Variants in PRR5 observed in about 807,000 individuals in gnomAD.
PRR5 encodes the protein proline rich 5, also known as proline-rich protein 5.
In PRR5, 25 loss-of-function variants were observed where a neutral mutation model predicts 30.6. The observed-to-expected ratio is 0.82, with a 90% CI of 0.60 to 1.14. The LOEUF (loss-of-function observed/expected upper bound fraction) is 1.14. Ranked by LOEUF, PRR5 falls within the 50% of genes most tolerant of loss-of-function variation. The pLI, the probability that PRR5 is intolerant of heterozygous loss-of-function variation, is 0.00. For missense variants in PRR5, 600 were observed against 547.1 expected, an observed-to-expected ratio of 1.10 and a Z score of -0.96; for synonymous variants, 286 against 247.1, an observed-to-expected ratio of 1.16 and a Z score of -1.48.
chr22:44,736,915 C>A lies in PRR5; in HGVS notation c.835C>A (p.Arg279Ser), dbSNP rs867319528. Residue 279 changes from arginine (R) to serine (S), a missense_variant, in exon 8 of 8, where the codon CGC becomes AGC. Coordinates refer to ENST00000336985, the MANE Select transcript of PRR5 (RefSeq NM_181333.4). ...CGCGGCGGCCGGCGGTACCAGCATCCGCAGGCACTCTGTGTCGGAGATGAC... is the reference window on the plus strand; with the variant it reads ...CGCGGCGGCCGGCGGTACCAGCATCAGCAGGCACTCTGTGTCGGAGATGAC... ...EGAAAGGTSI[R>S]RHSVSEMTSC... 2 of 1,608,156 alleles carry A rather than the reference C, an allele frequency of 1.2e-6. No individual in the cohort carries two copies. The highest frequency in any genetic ancestry group is 1.7e-6 in the Non-Finnish European group (2 of 1,178,652).
At chr22:44,686,042 G>A (rs773969712) in intron 1 of PRR5, among the ~76,000 whole-genome samples, 8 of 152,242 alleles carry the variant, frequency 5.3e-5, no homozygotes, top group Non-Finnish European at 1.0e-4. Context: ...ATCCCCTGAG[G>A]TCAGGAGTGA....
At chr22:44,679,162 G>C (rs186619799) in intron 1 of PRR5, among the ~76,000 whole-genome samples, 1 of 152,128 alleles carries the variant, frequency 6.6e-6, no homozygotes, top group South Asian at 2.1e-4. Context: ...TTCTGCAAAC[G>C]CAGCATTTAT....
chr22:44,697,784 G>A (rs963501656), upstream of PRR5, among the ~76,000 whole-genome samples: 10 of 152,202 alleles, frequency 6.6e-5, no homozygotes, highest in South Asian at 6.2e-4. Flanking sequence ...CATACGCCTC[G>A]GCCTCCCTGG....
chr22:44,724,236 G>T (rs1413511519), intron 2 of PRR5, among the ~76,000 whole-genome samples: 3 of 152,152 alleles, frequency 2.0e-5, no homozygotes, highest in Non-Finnish European at 4.4e-5. Flanking sequence ...AGGAGTTCGA[G>T]ACCAGCCTGG....
intron 1 of PRR5, among the ~76,000 whole-genome samples, chr22:44,685,547 C>A (rs997531487): frequency 6.8e-6 from 1 of 146,202 alleles, no homozygotes; most frequent in Non-Finnish European, 1.5e-5. Flanking sequence ...AAAGCCACAC[C>A]CCTCTCGCCA....
At chr22:44,685,553 C>T (rs553470124) in intron 1 of PRR5, among the ~76,000 whole-genome samples, 1 of 147,244 alleles carries the variant, frequency 6.8e-6, no homozygotes, top group Non-Finnish European at 1.5e-5. Context: ...ACACCCCTCT[C>T]GCCAGTGAAA....
chr22:44,725,275 T>G lies in PRR5; in HGVS notation c.247T>G (p.Phe83Val). ...GTTGAAGACAGAGCTGGGGTCCTTC[T>G]TCACGGAGTACCTGCAGGTAGGTGG... ...QLLKTELGSF[F>V]TEYLQNQLLT... is the part of the protein sequence containing the mutation. Residue 83 changes from phenylalanine (F) to valine (V), a missense_variant, in exon 3 of 8, where the codon TTC (phenylalanine) becomes GTC (valine). Transcript: ENST00000336985. 6.2e-7 allele frequency: 1 copy of G among 1,613,778 alleles called. No individual in the cohort carries two copies. Among genetic ancestry groups the G allele is most frequent in the Non-Finnish European group, 8.5e-7 (1 of 1,179,966 alleles).
intron 1 of PRR5, among the ~76,000 whole-genome samples, chr22:44,709,109 G>C (rs1927739806): frequency 6.6e-6 from 1 of 152,158 alleles, no homozygotes; most frequent in South Asian, 2.1e-4. Flanking sequence ...GAGGATGTTG[G>C]CTGAAGCCTC....
intron 1 of PRR5, among the ~76,000 whole-genome samples, chr22:44,712,565 G>A (rs1928424150): frequency 6.6e-6 from 1 of 152,236 alleles, no homozygotes; most frequent in African/African-American, 2.4e-5. Context: ...TGGCCGCTCT[G>A]TGACCTCCAG....
chr22:44,707,067 G>A (rs1269410635), intron 1 of PRR5, among the ~76,000 whole-genome samples: 1 of 152,148 alleles, frequency 6.6e-6, no homozygotes, highest in Non-Finnish European at 1.5e-5. Context: ...AGTCTGACCT[G>A]CCATACCCCT....
chr22:44,688,201 A>G (rs1354556167), intron 1 of PRR5, among the ~76,000 whole-genome samples: 2 of 148,660 alleles, frequency 1.3e-5, no homozygotes, highest in South Asian at 4.4e-4. Flanking sequence ...CTGGCCAACA[A>G]GGTGAAACCC....
intron 2 of PRR5, among the ~76,000 whole-genome samples, chr22:44,724,399 T>G (rs1569102121): frequency 6.6e-6 from 1 of 152,028 alleles, no homozygotes; most frequent in Non-Finnish European, 1.5e-5. Flanking sequence ...TGTGCCACTG[T>G]ACTCCAGCCT....
intron 1 of PRR5, among the ~76,000 whole-genome samples, chr22:44,714,207 G>A (rs1228666489): frequency 2.0e-5 from 3 of 152,242 alleles, no homozygotes; most frequent in African/African-American, 7.2e-5. Context: ...TGGCCGTGGA[G>A]GTAGAGAAGG....
At chr22:44,675,889 G>A (rs1039868942), upstream of PRR5, among the ~76,000 whole-genome samples, 1 of 151,798 alleles carries the variant, frequency 6.6e-6, no homozygotes, top group East Asian at 1.9e-4. Flanking sequence ...GCCACGATCA[G>A]TCATGTTTAT....
upstream of PRR5, among the ~76,000 whole-genome samples, chr22:44,697,854 C>T (rs1022543140): frequency 8.5e-5 from 13 of 152,166 alleles, no homozygotes; most frequent in South Asian, 4.1e-4. Context: ...CTTGTGGGGA[C>T]GAGTCGGGGC....
At chr22:44,697,726 C>T (rs1014016417), upstream of PRR5, among the ~76,000 whole-genome samples, 7 of 152,326 alleles carry the variant, frequency 4.6e-5, no homozygotes, top group Admixed American at 6.5e-5. Flanking sequence ...CCGCCCAGCC[C>T]GCAGGGCTCC....
chr22:44,702,390 T>C lies in PRR5; in HGVS notation c.-85T>C. On this transcript the variant is annotated 5_prime_UTR_variant, in exon 1 of 8. Coordinates refer to ENST00000336985, the MANE Select transcript of PRR5 (RefSeq NM_181333.4). ...CCGGAGTTTCCGCGTAGAGGGCGCA[T>C]CGCCGGCCCGGGGCCCTTGGTGCGG... The C allele has an allele frequency of 1.7e-6, 2 of 1,211,942 alleles. No individual in the cohort carries two copies. Among genetic ancestry groups the C allele is most frequent in the Non-Finnish European group, 2.1e-6 (2 of 973,158 alleles). 75.1% of individuals were successfully genotyped at this position (1,211,942 alleles called of 1,614,324 possible).
intron 1 of PRR5, among the ~76,000 whole-genome samples, chr22:44,696,111 A>G (rs1160765796): frequency 6.6e-6 from 1 of 151,654 alleles, no homozygotes; most frequent in Non-Finnish European, 1.5e-5. Context: ...TTTAGTAGAG[A>G]TGGGGTTTCA....
In PRR5 at chr22:44,721,099, G is replaced by T. The variant is rs143282471; in HGVS notation, c.216-4145G>T. ...CTGCTCCTGATCCCAGTTGACCCCC[G>T]GGACCCTCTGTTACCGGTGGAGGGT... On this transcript the variant is annotated intron_variant, in intron 2 of 7. Transcript: ENST00000336985. 5.7e-4 allele frequency among the ~76,000 whole-genome samples: 87 copies of T among 152,306 alleles called. No individual in the cohort carries two copies. In the Middle Eastern group the frequency reaches 0.02, roughly 36 times the overall value.
Sources: gnomAD v4.1 joint callset for allele counts (sites outside exome capture counted in the v4.1 genomes callset) on GRCh38, gnomAD v4.1.1 for gene constraint, MANE v1.5 for transcripts, NCBI Gene and HGNC (gene_info 2026-07-23, HGNC 2026-07-21) for gene names.